Variants in CNTN5 observed in about 807,000 individuals in gnomAD.
CNTN5 encodes the protein contactin-5.
In CNTN5, 77 loss-of-function variants were observed where a neutral mutation model predicts 129.1. The observed-to-expected ratio is 0.60, with a 90% CI of 0.50 to 0.72. The LOEUF (loss-of-function observed/expected upper bound fraction) is 0.72, where lower values mean the gene tolerates loss of function less well. Ranked by LOEUF, CNTN5 falls within the 30% of genes least tolerant of loss-of-function variation. The pLI is 0.00. For missense variants in CNTN5, 1,478 were observed against 1,328.8 expected, an observed-to-expected ratio of 1.11 and a Z score of -1.75; for synonymous variants, 509 against 465.6, an observed-to-expected ratio of 1.09 and a Z score of -1.20.
At chr11:99,577,427 T>C (rs765438413) in intron 3 of CNTN5, among the ~76,000 whole-genome samples, 9 of 152,130 alleles carry the variant, frequency 5.9e-5, no homozygotes, top group African/African-American at 4.8e-5. Flanking sequence ...ATCTTAATGT[T>C]TAGAGAAAGC....
chr11:99,080,062 T>A (rs540971109), intron 1 of CNTN5, among the ~76,000 whole-genome samples: 1 of 152,156 alleles, frequency 6.6e-6, no homozygotes, highest in East Asian at 1.9e-4. Flanking sequence ...AGGTGCAAAG[T>A]GAATAATTTT....
At chr11:100,204,297 AATATATAT>A (rs10633078) in intron 15 of CNTN5, among the ~76,000 whole-genome samples, 253 of 17,638 alleles carry the variant, frequency 0.014, 3 homozygotes, top group African/African-American at 0.025. Flanking sequence ...AACATTGACT[AATATATAT>A]ATATATATAT....
intron 1 of CNTN5, among the ~76,000 whole-genome samples, chr11:99,102,438 G>A (rs1015527453): frequency 2.6e-5 from 4 of 151,962 alleles, no homozygotes; most frequent in Admixed American, 6.6e-5. Flanking sequence ...CAAACTTGCT[G>A]TGTTTCCCTT....
intron 2 of CNTN5, among the ~76,000 whole-genome samples, chr11:99,522,491 T>A (rs1156694413): frequency 6.6e-6 from 1 of 152,102 alleles, no homozygotes; most frequent in Non-Finnish European, 1.5e-5. Flanking sequence ...TCTAGGAAAG[T>A]TTTATCCATA....
chr11:99,664,184 CAA>C (rs1952701189), intron 3 of CNTN5, among the ~76,000 whole-genome samples: 1 of 152,142 alleles, frequency 6.6e-6, no homozygotes, highest in Non-Finnish European at 1.5e-5. Flanking sequence ...ATGCTTTGTA[CAA>C]ATGGCTCCAG....
intron 17 of CNTN5, among the ~76,000 whole-genome samples, chr11:100,256,890 C>A (rs897199108): frequency 6.6e-6 from 1 of 152,018 alleles, no homozygotes; most frequent in East Asian, 1.9e-4. Context: ...GGGCAGACAT[C>A]CAGCTAGCTG....
intron 1 of CNTN5, among the ~76,000 whole-genome samples, chr11:99,279,985 A>G (rs971236567): frequency 1.3e-5 from 2 of 151,592 alleles, no homozygotes; most frequent in Non-Finnish European, 1.5e-5. Flanking sequence ...TCTGTTCTTT[A>G]CAATCGACTC....
intron 3 of CNTN5, among the ~76,000 whole-genome samples, chr11:99,818,418 GCTAA>G (rs917403992): frequency 6.6e-6 from 1 of 152,112 alleles, no homozygotes. Context: ...ACCACATGTG[GCTAA>G]CTTTTTGTAC....
In CNTN5 at chr11:99,819,683, T is replaced by G. The variant is rs201422329; in HGVS notation, c.195T>G (p.Ser65=). Residue 65 remains serine (S), a synonymous_variant, in exon 4 of 25, where the codon TCT becomes TCG. Coordinates refer to ENST00000524871, the MANE Select transcript of CNTN5 (RefSeq NM_014361.4). ...CTTCATTAGGAACACTGAGTGCTTC[T>G]TCACCCAGCTGGCTAGGGGCAGCTC... ...SSPSLGTLSA[S]SPSWLGAAQN... The G allele has an allele frequency of 2.4e-4, 395 of 1,612,846 alleles. No homozygotes were observed. In the African/African-American group the frequency reaches 4.8e-3, roughly 20 times the overall value.
chr11:99,173,384 G>A (rs750979407), intron 1 of CNTN5, among the ~76,000 whole-genome samples: 4 of 152,118 alleles, frequency 2.6e-5, no homozygotes, highest in Non-Finnish European at 5.9e-5. Context: ...AGTACATTCA[G>A]CCAGTAATGG....
chr11:99,798,948 A>G (rs1350072559), intron 3 of CNTN5, among the ~76,000 whole-genome samples: 1 of 152,004 alleles, frequency 6.6e-6, no homozygotes, highest in Non-Finnish European at 1.5e-5. Context: ...TCTTAGCAGC[A>G]TTTGGTAGTT....
At chr11:99,608,901 G>T (rs1591355499) in intron 3 of CNTN5, among the ~76,000 whole-genome samples, 3 of 152,250 alleles carry the variant, frequency 2.0e-5, no homozygotes, top group East Asian at 3.9e-4. Flanking sequence ...AACTGTAGGA[G>T]TATTAAAATC....
At chr11:100,148,174 A>C (rs1434405707) in intron 13 of CNTN5, among the ~76,000 whole-genome samples, 1 of 152,088 alleles carries the variant, frequency 6.6e-6, no homozygotes, top group Non-Finnish European at 1.5e-5. Flanking sequence ...TTTTAATAAA[A>C]CTCTGAGCAC....
intron 3 of CNTN5, among the ~76,000 whole-genome samples, chr11:99,574,748 G>A (rs936644822): frequency 3.5e-4 from 53 of 152,032 alleles, no homozygotes; most frequent in African/African-American, 1.3e-3. Context: ...CCCACTTTTT[G>A]ATGGGGTTGT....
At chr11:99,052,797 G>A (rs958623258) in intron 1 of CNTN5, among the ~76,000 whole-genome samples, 1 of 151,816 alleles carries the variant, frequency 6.6e-6, no homozygotes, top group Admixed American at 6.6e-5. Flanking sequence ...TAGGGGGAAT[G>A]TTCCTGAGTC....
At chr11:99,845,573 C>T (rs558899300) in intron 6 of CNTN5, among the ~76,000 whole-genome samples, 5 of 151,832 alleles carry the variant, frequency 3.3e-5, no homozygotes, top group South Asian at 2.1e-4. Flanking sequence ...GGGGTTTCAC[C>T]GTTTCAGCCG....
intron 2 of CNTN5, among the ~76,000 whole-genome samples, chr11:99,341,947 A>C (rs2136057348): frequency 6.6e-6 from 1 of 152,310 alleles, no homozygotes; most frequent in African/African-American, 2.4e-5. Flanking sequence ...GCATCCAAGG[A>C]GGAATCACTA....
chr11:99,807,702 T>C (rs938418238), intron 3 of CNTN5, among the ~76,000 whole-genome samples: 1 of 152,046 alleles, frequency 6.6e-6, no homozygotes, highest in African/African-American at 2.4e-5. Flanking sequence ...TAAATAAAAA[T>C]TAGAAAATTA....
At chr11:99,738,774 C>T (rs1245468016) in intron 3 of CNTN5, among the ~76,000 whole-genome samples, 3 of 152,006 alleles carry the variant, frequency 2.0e-5, no homozygotes, top group African/African-American at 4.8e-5. Flanking sequence ...GGAACTCGTA[C>T]TCTATCCCAT....
Sources: allele counts gnomAD v4.1 joint callset (sites outside exome capture counted in the v4.1 genomes callset), GRCh38; gene constraint gnomAD v4.1.1; transcripts MANE v1.5; gene names NCBI Gene and HGNC (gene_info 2026-07-23, HGNC 2026-07-21).